Variants in AGTR1 observed in about 807,000 individuals in gnomAD.
AGTR1 encodes type-1 angiotensin II receptor.
Under a neutral mutation model 19.4 loss-of-function variants are expected in AGTR1, and 16 were observed. The observed-to-expected ratio is 0.82, with a 90% confidence interval of 0.56 to 1.25. The LOEUF (loss-of-function observed/expected upper bound fraction) is 1.25, where lower values mean the gene tolerates loss of function less well. AGTR1 is among the 50% of genes most tolerant of loss of function. The pLI is 0.00. For synonymous variants in AGTR1, 153 were observed against 154.9 expected (o/e 0.99, Z 0.09); for missense variants, 373 against 431.9 (o/e 0.86, Z 1.21).
At chr3:148,703,592 TC>T (rs1712479442) in intron 1 of AGTR1, among the ~76,000 whole-genome samples, 1 of 152,214 alleles carries the variant, frequency 6.6e-6, no homozygotes, top group African/African-American at 2.4e-5. Flanking sequence ...TTCTGTTTTA[TC>T]CTTATTTTAT....
chr3:148,735,879 G>C (rs1446824685), intron 2 of AGTR1, among the ~76,000 whole-genome samples: 1 of 152,162 alleles, frequency 6.6e-6, no homozygotes, highest in Non-Finnish European at 1.5e-5. Context: ...GAGCTGTCCA[G>C]CACTATAAGC....
rs1714920704 is a variant in AGTR1 at position 148,741,832 on chromosome 3, T to C, written c.797T>C (p.Ile266Thr). The change falls in exon 3 of 3, where the codon ATT becomes ACT. Residue 266 changes from isoleucine (I) to threonine (T), a missense_variant. Ile to Thr is a moderately conservative substitution (Grantham distance 89). Coordinates refer to ENST00000349243, the MANE Select transcript of AGTR1 (RefSeq NM_000685.5). ...HQIFTFLDVL[I>T]QLGIIRDCRI... ...ATATTCACTTTTCTGGATGTATTGA[T>C]TCAACTAGGCATCATACGTGACTGT... The C allele has an allele frequency of 3.1e-6, 5 of 1,613,768 alleles. No individual in the cohort carries two copies. The highest frequency in any genetic ancestry group is 3.4e-6 in the Non-Finnish European group (4 of 1,180,040).
chr3:148,700,783 C>A (rs1712292476), intron 1 of AGTR1, among the ~76,000 whole-genome samples: 1 of 152,210 alleles, frequency 6.6e-6, no homozygotes, highest in Admixed American at 6.5e-5. Flanking sequence ...TGTTATCTAG[C>A]AAACTGACAA....
At chr3:148,732,496 C>T (rs1318749104) in intron 2 of AGTR1, among the ~76,000 whole-genome samples, 2 of 152,050 alleles carry the variant, frequency 1.3e-5, no homozygotes, top group African/African-American at 4.8e-5. Flanking sequence ...AAATTTTTTT[C>T]ACTTTGTTGT....
chr3:148,740,543 A>G (rs574180288), intron 2 of AGTR1, among the ~76,000 whole-genome samples: 328 of 152,350 alleles, frequency 2.2e-3, no homozygotes, highest in Middle Eastern at 0.014. Flanking sequence ...GAAATGGTTT[A>G]AAGAATATGA....
At chr3:148,726,415 G>A (rs1713942133) in intron 2 of AGTR1, among the ~76,000 whole-genome samples, 1 of 151,986 alleles carries the variant, frequency 6.6e-6, no homozygotes, top group Non-Finnish European at 1.5e-5. Flanking sequence ...CACCATGCTG[G>A]CCAGGCTGGT....
intron 2 of AGTR1, among the ~76,000 whole-genome samples, chr3:148,726,554 T>C (rs1214172348): frequency 6.6e-6 from 1 of 152,224 alleles, no homozygotes; most frequent in African/African-American, 2.4e-5. Flanking sequence ...TAAATTGCTC[T>C]TTTACTCATT....
At chr3:148,715,569 G>A (rs2107940366) in intron 2 of AGTR1, among the ~76,000 whole-genome samples, 1 of 152,258 alleles carries the variant, frequency 6.6e-6, no homozygotes, top group African/African-American at 2.4e-5. Flanking sequence ...AAAAAATGCA[G>A]CTTCCTTTAT....
At chr3:148,734,830 A>G (rs1464499051) in intron 2 of AGTR1, among the ~76,000 whole-genome samples, 1 of 152,220 alleles carries the variant, frequency 6.6e-6, no homozygotes, top group East Asian at 1.9e-4. Flanking sequence ...TACAACCTGT[A>G]AAGGCTCAAA....
intron 2 of AGTR1, among the ~76,000 whole-genome samples, chr3:148,725,978 T>C (rs546267112): frequency 5.1e-4 from 77 of 152,354 alleles, no homozygotes; most frequent in African/African-American, 1.5e-3. Context: ...TTGTATCTAG[T>C]GTATTCATAC....
intron 1 of AGTR1, among the ~76,000 whole-genome samples, chr3:148,701,679 T>C (rs1039343065): frequency 6.6e-6 from 1 of 152,220 alleles, no homozygotes; most frequent in African/African-American, 2.4e-5. Context: ...TGTAATTTTT[T>C]TAACATTTAA....
chr3:148,734,575 A>G (rs942431462), intron 2 of AGTR1, among the ~76,000 whole-genome samples: 13 of 152,232 alleles, frequency 8.5e-5, no homozygotes, highest in African/African-American at 3.1e-4. Flanking sequence ...AATTAGAATG[A>G]CATTAATAAT....
intron 1 of AGTR1, among the ~76,000 whole-genome samples, chr3:148,705,233 T>C (rs952997633): frequency 1.3e-5 from 2 of 152,184 alleles, no homozygotes; most frequent in Admixed American, 6.5e-5. Context: ...TTTTTAACAG[T>C]TGGAAAAATT....
chr3:148,732,601 G>A (rs2107962944), intron 2 of AGTR1, among the ~76,000 whole-genome samples: 1 of 152,138 alleles, frequency 6.6e-6, no homozygotes. Flanking sequence ...ATATGTGATA[G>A]CATTAATCAA....
At chr3:148,703,210 T>G (rs1281357697) in intron 1 of AGTR1, among the ~76,000 whole-genome samples, 3 of 152,176 alleles carry the variant, frequency 2.0e-5, no homozygotes, top group Non-Finnish European at 4.4e-5. Context: ...TGAGACACAT[T>G]GTATTACAAA....
In AGTR1 at chr3:148,742,336, C is replaced by T. The variant is rs527453464; in HGVS notation, c.*221C>T. On this transcript the variant is annotated 3_prime_UTR_variant, in exon 3 of 3. Coordinates refer to ENST00000349243, the MANE Select transcript of AGTR1 (RefSeq NM_000685.5). ...GCCACATTTTGCATTAGACAGATGACGGCTGCTCGAAGAACAATGTCAGAA... is the reference window on the plus strand; with the variant it reads ...GCCACATTTTGCATTAGACAGATGATGGCTGCTCGAAGAACAATGTCAGAA... The T allele has an allele frequency of 1.9e-4, 129 of 677,756 alleles. No individual in the cohort carries two copies. The highest frequency in any genetic ancestry group is 1.3e-3 in the African/African-American group (74 of 55,482). The allele number at this position is 677,756 out of a possible 1,614,324, so 42.0% of individuals were successfully genotyped here.
chr3:148,704,764 G>T (rs893697128), intron 1 of AGTR1, among the ~76,000 whole-genome samples: 1 of 152,076 alleles, frequency 6.6e-6, no homozygotes. Context: ...TATTGATGTT[G>T]GTCAAAAGAC....
chr3:148,698,492 G>C (rs1435297268), intron 1 of AGTR1, among the ~76,000 whole-genome samples: 1 of 152,148 alleles, frequency 6.6e-6, no homozygotes, highest in Non-Finnish European at 1.5e-5. Flanking sequence ...TCATCTGAGC[G>C]GGAAGCCGGT....
intron 1 of AGTR1, among the ~76,000 whole-genome samples, chr3:148,707,571 C>A (rs905828266): frequency 2.0e-5 from 3 of 151,514 alleles, no homozygotes; most frequent in African/African-American, 7.3e-5. Context: ...GCTGTAGATT[C>A]ACAAGTAAAA....
Sources: allele counts gnomAD v4.1 joint callset (sites outside exome capture counted in the v4.1 genomes callset), GRCh38; gene constraint gnomAD v4.1.1; transcripts MANE v1.5; gene names NCBI Gene and HGNC (gene_info 2026-07-23, HGNC 2026-07-21).